Variants in CCDC93 observed in about 807,000 individuals in gnomAD.
CCDC93 encodes CCC complex scaffolding subunit CCDC93.
CCDC93 carries 61 observed loss-of-function variants against 108.2 expected under a neutral mutation model. The observed-to-expected ratio is 0.56, with a 90% CI of 0.46 to 0.70. The LOEUF is 0.70. Among genes scored for constraint, CCDC93 ranks in the 30% least tolerant of loss-of-function variants. The pLI, the probability that CCDC93 is intolerant of heterozygous loss-of-function variation, is 0.00. For missense variants in CCDC93, 685 were observed against 764.2 expected (o/e 0.90, Z 1.22); for synonymous variants, 276 against 260.4 (o/e 1.06, Z -0.58).
intron 6 of CCDC93, among the ~76,000 whole-genome samples, chr2:117,991,136 T>C (rs1482469731): frequency 6.6e-6 from 1 of 152,226 alleles, no homozygotes; most frequent in Admixed American, 6.5e-5. Flanking sequence ...TTTTATGTTA[T>C]GTCTAAACAA....
chr2:117,955,619 T>C (rs1679193359), intron 12 of CCDC93, among the ~76,000 whole-genome samples: 1 of 152,236 alleles, frequency 6.6e-6, no homozygotes, highest in South Asian at 2.1e-4. Flanking sequence ...GACAGCCTGC[T>C]TAATTTCTGT....
chr2:118,008,850 G>T, intron 1 of CCDC93, 192 bp from the exon 2 acceptor site: 1 of 561,200 alleles, frequency 1.8e-6, no homozygotes, highest in South Asian at 2.1e-5. Flanking sequence ...TCACAAATGG[G>T]TCCGCGGTCC....
At position 118,008,653 on chromosome 2, in the gene CCDC93, T is replaced by C; in HGVS notation, c.48A>G (p.Glu16=). 6.2e-7 allele frequency: 1 copy of C among 1,605,156 alleles called. No homozygotes were observed. The highest frequency in any genetic ancestry group is 8.5e-7 in the Non-Finnish European group (1 of 1,172,786). ...GPEGQGLPEV[E]TREDEEQNVK... Reference sequence around the variant, plus strand: ...CATTTTGTTCTTCATCTTCTCTTGTTTCCACCTAAAATAAAAGGTAAAACT... The same window carrying C: ...CATTTTGTTCTTCATCTTCTCTTGTCTCCACCTAAAATAAAAGGTAAAACT... The change falls in exon 2 of 24, where the codon GAA becomes GAG. Residue 16 remains glutamate (E), a synonymous_variant. Transcript: ENST00000376300.
chr2:117,989,552 G>A (rs1680416093), intron 6 of CCDC93, among the ~76,000 whole-genome samples: 2 of 152,124 alleles, frequency 1.3e-5, no homozygotes, highest in Non-Finnish European at 2.9e-5. Context: ...CCTTGAACAT[G>A]GTCTGGCATA....
Position 118,006,740 on chromosome 2 carries a change from G to A in CCDC93, c.233C>T (p.Ser78Phe), listed in dbSNP as rs781337040. The A allele has an allele frequency of 6.2e-7, 1 of 1,609,258 alleles. No homozygotes were observed. The highest frequency in any genetic ancestry group is 1.1e-5 in the South Asian group (1 of 90,968). The change falls in exon 3 of 24, where the codon TCT becomes TTT. Residue 78 changes from serine to phenylalanine, a missense_variant. Physicochemically the swap from Ser to Phe is radical, Grantham distance 155 (BLOSUM62 -2). Coordinates refer to ENST00000376300, the MANE Select transcript of CCDC93 (RefSeq NM_019044.5). Reference protein sequence around the residue: ...VDVDLLFQENSTIGQKIALSE... With the variant: ...VDVDLLFQENFTIGQKIALSE... ...AACTTACATTTTTTGACCTATCGTA[G>A]AGTTTTCTTGAAAGAGCAAATCAAC...
chr2:117,975,535 C>T (rs1679915987), intron 8 of CCDC93, among the ~76,000 whole-genome samples: 1 of 152,202 alleles, frequency 6.6e-6, no homozygotes, highest in South Asian at 2.1e-4. Context: ...CACACATTTG[C>T]CTGACTTACC....
intron 5 of CCDC93, among the ~76,000 whole-genome samples, chr2:117,995,971 A>G (rs187080009): frequency 5.1e-4 from 78 of 151,992 alleles, no homozygotes; most frequent in African/African-American, 1.7e-3. Context: ...TATTATTATT[A>G]TTAAATTGTT....
chr2:117,928,594 A>G (rs1236382950), intron 23 of CCDC93, among the ~76,000 whole-genome samples: 3 of 152,238 alleles, frequency 2.0e-5, no homozygotes, highest in African/African-American at 7.2e-5. Flanking sequence ...GGCAATCATT[A>G]AAAAGTCAGG....
intron 16 of CCDC93, among the ~76,000 whole-genome samples, 183 bp from the exon 17 acceptor site, chr2:117,945,765 T>C (rs1456218530): frequency 1.3e-5 from 2 of 152,108 alleles, no homozygotes; most frequent in African/African-American, 2.4e-5. Flanking sequence ...GAGCAGCAGA[T>C]TTTAAATTGT....
At chr2:117,983,821 A>C (rs1680233715) in intron 7 of CCDC93, among the ~76,000 whole-genome samples, 1 of 152,098 alleles carries the variant, frequency 6.6e-6, no homozygotes, top group Non-Finnish European at 1.5e-5. Context: ...GGGGCTGTAC[A>C]TTTTATCTGA....
intron 23 of CCDC93, among the ~76,000 whole-genome samples, chr2:117,928,235 G>A (rs566670706): frequency 6.6e-6 from 1 of 152,202 alleles, no homozygotes; most frequent in African/African-American, 2.4e-5. Context: ...CAACAGCAAT[G>A]GCAACAAAAG....
chr2:117,924,474 T>C (rs934595002), intron 23 of CCDC93, among the ~76,000 whole-genome samples: 1 of 152,144 alleles, frequency 6.6e-6, no homozygotes, highest in Admixed American at 6.5e-5. Context: ...GAGAACTACA[T>C]GATGAATGCA....
chr2:118,005,571 A>G (rs1395670146), intron 3 of CCDC93, among the ~76,000 whole-genome samples: 2 of 152,144 alleles, frequency 1.3e-5, no homozygotes, highest in South Asian at 2.1e-4. Flanking sequence ...AGCCTGGACA[A>G]GATGGTGAGA....
chr2:117,971,911 A>G (rs942047773), intron 11 of CCDC93, among the ~76,000 whole-genome samples: 13 of 152,244 alleles, frequency 8.5e-5, no homozygotes, highest in South Asian at 2.1e-4. Flanking sequence ...TACCTACCCA[A>G]TGAAAACAAC....
intron 8 of CCDC93, among the ~76,000 whole-genome samples, chr2:117,976,987 G>A (rs1225794437): frequency 6.7e-6 from 1 of 149,164 alleles, no homozygotes; most frequent in Non-Finnish European, 1.5e-5. Flanking sequence ...CCAGGCTGGA[G>A]TGCAGTGGCG....
At chr2:117,986,160 C>CTTTTTTT (rs763304100) in intron 6 of CCDC93, 91 bp from the exon 7 acceptor site, 21 of 276,568 alleles carry the variant, frequency 7.6e-5, no homozygotes, top group South Asian at 1.6e-4. Context: ...GGTATATTCT[C>CTTTTTTT]TTTTTTTTTT....
At chr2:117,927,882 A>G (rs543667799) in intron 23 of CCDC93, among the ~76,000 whole-genome samples, 25 of 152,322 alleles carry the variant, frequency 1.6e-4, no homozygotes, top group South Asian at 1.0e-3. Context: ...ACAGTAACCA[A>G]AACAGCATGG....
intron 2 of CCDC93, 84 bp from the exon 3 acceptor site, chr2:118,006,900 G>T: frequency 1.3e-6 from 1 of 788,568 alleles, no homozygotes. Flanking sequence ...ATTATAAATA[G>T]CTCTAATAGA....
chr2:117,947,964 G>A (rs1382051768), intron 15 of CCDC93, 141 bp downstream of exon 15: 5 of 677,670 alleles, frequency 7.4e-6, no homozygotes, highest in African/African-American at 7.3e-5. Context: ...AAAGTGCTGG[G>A]ATTACAGGCA....
Sources: gnomAD v4.1 joint callset for allele counts (sites outside exome capture counted in the v4.1 genomes callset) on GRCh38, gnomAD v4.1.1 for gene constraint, MANE v1.5 for transcripts, NCBI Gene and HGNC (gene_info 2026-07-23, HGNC 2026-07-21) for gene names.